Variants in FBXO10 observed in about 807,000 individuals in gnomAD.
FBXO10 encodes the protein F-box only protein 10.
Under a neutral mutation model 80.7 loss-of-function variants are expected in FBXO10, and 39 were observed. The observed-to-expected ratio is 0.48, with a 90% CI of 0.37 to 0.63. FBXO10 has a LOEUF of 0.63. FBXO10 is among the 30% of genes least tolerant of loss of function. The pLI, the probability that FBXO10 is intolerant of heterozygous loss-of-function variation, is 0.00. For synonymous variants in FBXO10, 449 were observed against 489.6 expected (o/e 0.92, Z 1.09); for missense variants, 1,025 against 1,269.0 (o/e 0.81, Z 2.92).
Position 37,571,748 on chromosome 9 carries a change from T to TATATATATATA in FBXO10, c.-7+4462_-7+4463insTATATATATAT, listed in dbSNP as rs1167585567. On this transcript the variant is annotated intron_variant, in intron 1 of 10. Transcript: ENST00000432825. ...ATATATATATATATATATATATATA[T>TATATATATATA]TTCCTTATTGAAAAATCAATTTAAA... 2.2e-3 allele frequency among the ~76,000 whole-genome samples: 294 copies of TATATATATATA among 134,498 alleles called. 1 individual carries two copies. Among genetic ancestry groups the TATATATATATA allele is most frequent in the African/African-American group, 3.8e-3 (138 of 36,462 alleles). 88.2% of individuals were successfully genotyped at this position (134,498 alleles called of 152,430 possible). A position where few individuals can be genotyped will look rare whatever the true frequency, so the allele number is the denominator to read the frequency against.
At chr9:37,564,105 C>G (rs535481732) in intron 1 of FBXO10, among the ~76,000 whole-genome samples, 1 of 152,358 alleles carries the variant, frequency 6.6e-6, no homozygotes, top group African/African-American at 2.4e-5. Flanking sequence ...GCTTCAGCTG[C>G]AGCAGTGGCT....
intron 9 of FBXO10, 66 bp downstream of exon 9, chr9:37,518,059 C>T (rs893438706): frequency 2.1e-5 from 31 of 1,494,948 alleles, no homozygotes; most frequent in East Asian, 1.6e-4. Context: ...GCAGAGGCCA[C>T]GAGGACTATC....
chr9:37,543,919 C>A (rs1458840762), intron 1 of FBXO10, among the ~76,000 whole-genome samples: 1 of 152,170 alleles, frequency 6.6e-6, no homozygotes, highest in African/African-American at 2.4e-5. Flanking sequence ...TACTTGAGGT[C>A]AGGAGTTCCA....
intron 3 of FBXO10, among the ~76,000 whole-genome samples, chr9:37,534,448 G>C (rs1279277819): frequency 6.6e-6 from 1 of 152,080 alleles, no homozygotes; most frequent in African/African-American, 2.4e-5. Context: ...GTGAAAGAGT[G>C]AGACTCCGTC....
intron 1 of FBXO10, among the ~76,000 whole-genome samples, chr9:37,560,851 CTT>C (rs982032308): frequency 9.9e-5 from 15 of 152,008 alleles, no homozygotes; most frequent in African/African-American, 3.6e-4. Flanking sequence ...ATTAAAAAAA[CTT>C]TTTATTTTGC....
At chr9:37,573,426 C>T (rs1348514637) in intron 1 of FBXO10, among the ~76,000 whole-genome samples, 3 of 152,182 alleles carry the variant, frequency 2.0e-5, no homozygotes, top group African/African-American at 7.2e-5. Flanking sequence ...GAAAACCAAG[C>T]ATGGAATCAT....
chr9:37,568,375 T>G (rs1275062237), intron 1 of FBXO10, among the ~76,000 whole-genome samples: 1 of 151,966 alleles, frequency 6.6e-6, no homozygotes, highest in African/African-American at 2.4e-5. Flanking sequence ...TTTTTGTATT[T>G]TTAGTAGAGA....
rs183407833 is a variant in FBXO10, at chr9:37,525,830, C to T, written c.1707-658G>A. Among the ~76,000 whole-genome samples the T allele has an allele frequency of 1.5e-4, 23 of 152,028 alleles. No homozygotes were observed. The East Asian group carries it at 1.7e-3, about 11-fold the overall frequency. ...CTGGGATTACAGGCATGAGCCACCG[C>T]GCCTGGCCTTATATGTATTTTATCC... On this transcript the variant is annotated intron_variant, in intron 5 of 10. Coordinates refer to ENST00000432825, the MANE Select transcript of FBXO10 (RefSeq NM_012166.3).
chr9:37,516,197 G>A (rs1375870842), intron 9 of FBXO10, 112 bp from the exon 10 acceptor site: 15 of 1,213,108 alleles, frequency 1.2e-5, no homozygotes, highest in Non-Finnish European at 2.3e-6. Context: ...ATGCCAGGCA[G>A]GTCAGTGAAG....
chr9:37,534,293 A>ATGG (rs1564340813), intron 3 of FBXO10, among the ~76,000 whole-genome samples: 7 of 152,218 alleles, frequency 4.6e-5, no homozygotes, highest in African/African-American at 1.7e-4. Flanking sequence ...AGAAAGTAGA[A>ATGG]AGAATATACA....
chr9:37,558,213 C>G (rs1286171816), intron 1 of FBXO10, among the ~76,000 whole-genome samples: 2 of 152,206 alleles, frequency 1.3e-5, no homozygotes, highest in Non-Finnish European at 2.9e-5. Context: ...CTAAAGGAAC[C>G]TAATCTATAC....
At chr9:37,513,727 C>T (rs1401368446) in intron 10 of FBXO10, among the ~76,000 whole-genome samples, 1 of 152,060 alleles carries the variant, frequency 6.6e-6, no homozygotes, top group African/African-American at 2.4e-5. Context: ...GTAGCTGGGA[C>T]TACAGTTGCG....
Position 37,531,999 on chromosome 9 carries a change from C to T in FBXO10, c.1479G>A (p.Leu493=). ...TGCCGGCAATCAAGCCACCGCCCTC[C>T]AAGCGAAGAAAGATGCCTGACGCTC... The part of the protein sequence containing the change: ...RCRASGIFLR[L]EGGGLIAGNN... The change falls in exon 4 of 11, where the codon TTG becomes TTA. Residue 493 remains leucine, a synonymous_variant. Transcript: ENST00000432825. 1 of 1,614,014 alleles carries T rather than the reference C, an allele frequency of 6.2e-7. No individual in the cohort carries two copies. The highest frequency in any genetic ancestry group is 1.1e-5 in the South Asian group (1 of 91,078).
intron 7 of FBXO10, chr9:37,522,594 A>G: frequency 7.8e-7 from 1 of 1,285,594 alleles, no homozygotes; most frequent in South Asian, 1.9e-5. Flanking sequence ...CTATTTTAAA[A>G]GGGGATAAAG....
chr9:37,527,644 G>A (rs1015590948), intron 5 of FBXO10, among the ~76,000 whole-genome samples: 1 of 152,172 alleles, frequency 6.6e-6, no homozygotes, highest in African/African-American at 2.4e-5. Flanking sequence ...ATTTTGGTGA[G>A]TCTTCCATCA....
chr9:37,553,415 C>A (rs1033175671), intron 1 of FBXO10, among the ~76,000 whole-genome samples: 13 of 152,116 alleles, frequency 8.5e-5, no homozygotes, highest in African/African-American at 3.1e-4. Flanking sequence ...GAAATCCCTA[C>A]TTTTATTAAA....
chr9:37,540,411 A>G (rs1436953228), intron 2 of FBXO10, among the ~76,000 whole-genome samples: 2 of 152,072 alleles, frequency 1.3e-5, no homozygotes, highest in Non-Finnish European at 2.9e-5. Flanking sequence ...TCCTGACCTC[A>G]GGTGATCCAC....
Position 37,541,758 on chromosome 9 carries a change from C to T in FBXO10, c.11G>A (p.Gly4Asp). MEA[G>D]GLPLELWRMI... The stretch of plus-strand genomic sequence containing the variant: ...GCGCCACAGCTCCAAGGGGAGGCCA[C>T]CAGCCTCCATGGTCACCTAGGAGAC... The change falls in exon 2 of 11, where the codon GGT (glycine) becomes GAT (aspartate). Residue 4 changes from glycine (G) to aspartate (D), a missense_variant. Gly to Asp is a moderately conservative substitution (Grantham distance 94). Around this residue, in one of 3 missense-constraint regions of FBXO10, gnomAD observed 450 missense variants for 499.4 expected, o/e 0.90. Coordinates refer to ENST00000432825, the MANE Select transcript of FBXO10 (RefSeq NM_012166.3). 6.3e-7 allele frequency: 1 copy of T among 1,595,796 alleles called. No homozygotes were observed. Among genetic ancestry groups the T allele is most frequent in the Non-Finnish European group, 8.6e-7 (1 of 1,168,100 alleles).
At position 37,541,409 on chromosome 9, in the gene FBXO10, G is replaced by C; in HGVS notation, c.360C>G (p.Ser120Arg). The change falls in exon 2 of 11, where the codon AGC (serine) becomes AGG (arginine). Residue 120 changes from serine (S) to arginine (R), a missense_variant. Coordinates refer to ENST00000432825, the MANE Select transcript of FBXO10 (RefSeq NM_012166.3). ...LSVGPGREFD[S>R]LGSALAMASL... ...TGGCCATGGCCAAGGCACTGCCCAG[G>C]CTGTCAAACTCACGGCCTGGCCCAA... is the stretch of plus-strand genomic sequence containing the variant. The C allele has an allele frequency of 1.9e-6, 3 of 1,614,012 alleles. No homozygotes were observed. Among genetic ancestry groups the C allele is most frequent in the Non-Finnish European group, 2.5e-6 (3 of 1,179,874 alleles).
Sources: allele counts gnomAD v4.1 joint callset (sites outside exome capture counted in the v4.1 genomes callset), GRCh38; gene constraint gnomAD v4.1.1; regional missense constraint gnomAD v4.1.1; transcripts MANE v1.5; gene names NCBI Gene and HGNC (gene_info 2026-07-23, HGNC 2026-07-21).